Variants in ERCC2 observed in about 807,000 individuals in gnomAD.
ERCC2 encodes the protein general transcription and DNA repair factor IIH helicase subunit XPD.
Under a neutral mutation model 99.4 loss-of-function variants are expected in ERCC2, and 90 were observed. The ratio of observed to expected loss-of-function variants is 0.91; its 90% confidence interval spans 0.76 to 1.08. ERCC2 has a LOEUF of 1.08. Among genes scored for constraint, ERCC2 ranks in the 50% least tolerant of loss-of-function variants. ERCC2 has a pLI of 0.00. For synonymous variants in ERCC2, 497 were observed against 432.4 expected (o/e 1.15, Z -1.85); for missense variants, 993 against 1,038.1 (o/e 0.96, Z 0.60).
chr19:45,352,066 G>C, intron 22 of ERCC2, 143 bp downstream of exon 22: 1 of 989,264 alleles, frequency 1.0e-6, no homozygotes. Context: ...CCAGAGCCTG[G>C]CACGTAGATG....
At chr19:45,361,807 A>G (rs1188573289) in intron 11 of ERCC2, 165 bp from the exon 12 acceptor site, 1 of 671,542 alleles carries the variant, frequency 1.5e-6, no homozygotes, top group East Asian at 2.8e-5. Flanking sequence ...CCCACGCTGT[A>G]CACCTGCATG....
chr19:45,357,522 G>A lies in ERCC2; in HGVS notation c.1329C>T (p.Ala443=). The A allele has an allele frequency of 1.2e-6, 2 of 1,614,186 alleles. No individual in the cohort carries two copies. Among genetic ancestry groups the A allele is most frequent in the Admixed American group, 1.7e-5 (1 of 60,012 alleles). The change falls in exon 14 of 23, where the codon GCC becomes GCT. Residue 443 remains alanine (A), a synonymous_variant. Transcript: ENST00000391945. ...GGAAACGCTCAAATACGGGTTTGATGGCCAGCGAGGCGTCCATGCAGCTGG... is the reference window on the plus strand; with the variant it reads ...GGAAACGCTCAAATACGGGTTTGATAGCCAGCGAGGCGTCCATGCAGCTGG... The part of the protein sequence containing the change: ...LHFSCMDASL[A]IKPVFERFQS...
At position 45,350,907 on chromosome 19, in the gene ERCC2, G is replaced by C. The variant is rs909770584; in HGVS notation, c.*722C>G. The C allele has an allele frequency of 3.8e-6, 6 of 1,593,274 alleles. No homozygotes were observed. The highest frequency in any genetic ancestry group is 3.3e-5 in the Admixed American group (2 of 59,936). On this transcript the variant is annotated 3_prime_UTR_variant, in exon 23 of 23. Transcript: ENST00000391945. ...GCTGGAAAGGTCCCTCGTGGAGGGG[G>C]GCCACTCCTGGATTCACTCATTTCC...
Position 45,354,851 on chromosome 19 carries a change from G to A in ERCC2, c.1544C>T (p.Ala515Val). 3 of 1,613,960 alleles carry A rather than the reference G, an allele frequency of 1.9e-6. No homozygotes were observed. Among genetic ancestry groups the A allele is most frequent in the Non-Finnish European group, 2.5e-6 (3 of 1,179,880 alleles). Reference protein sequence around the residue: ...SSKFETREDIAVIRNYGNLLL... With the variant: ...SSKFETREDIVVIRNYGNLLL... ...GAGGTTCCCATAGTTCCGGATCACA[G>A]CTGCAAGGGGTCAGAGGTTGGGCCC... is the stretch of plus-strand genomic sequence containing the variant. Residue 515 changes from alanine to valine, a missense_variant and splice_region_variant, in exon 17 of 23, where the codon GCT (alanine) becomes GTT (valine). Physicochemically the swap from Ala to Val is moderately conservative, Grantham distance 64 (BLOSUM62 0). Around this residue, in one of 3 missense-constraint regions of ERCC2, gnomAD observed 909 missense variants for 930.8 expected, o/e 0.98. Coordinates refer to ENST00000391945, the MANE Select transcript of ERCC2 (RefSeq NM_000400.4).
At position 45,364,865 on chromosome 19, in the gene ERCC2, C is replaced by A. The variant is rs377532898; in HGVS notation, c.567G>T (p.Trp189Cys). ...AGTATCGAGCAAGGAAGTATGGGCA[C>A]CAGCCCTGGCGCCGCCCCAGGGCCT... ...DLKALGRRQG[W>C]CPYFLARYSI... The change falls in exon 7 of 23, where the codon TGG (tryptophan) becomes TGT (cysteine). Residue 189 changes from tryptophan to cysteine, a missense_variant. This residue lies in a region of ERCC2 where 909 missense variants were observed against 930.8 expected (regional missense o/e 0.98). Transcript: ENST00000391945. The A allele has an allele frequency of 1.9e-6, 3 of 1,613,610 alleles. No individual in the cohort carries two copies. The African/African-American group carries it at 4.0e-5, about 22-fold the overall frequency.
rs1236890326 is a variant in ERCC2 at position 45,351,158 on chromosome 19, A to T, written c.*471T>A. On this transcript the variant is annotated 3_prime_UTR_variant, in exon 23 of 23. Coordinates refer to ENST00000391945, the MANE Select transcript of ERCC2 (RefSeq NM_000400.4). ...GAAGAGACCCAGGACAGGAGCAAAG[A>T]TGGGTTTTACTTGGGGTAGAGGCGA... The T allele has an allele frequency of 2.9e-5, 46 of 1,591,430 alleles. No homozygotes were observed. Among genetic ancestry groups the T allele is most frequent in the Non-Finnish European group, 3.8e-5 (44 of 1,168,074 alleles).
At chr19:45,363,493 T>C (rs1972297864) in intron 11 of ERCC2, among the ~76,000 whole-genome samples, 1 of 152,092 alleles carries the variant, frequency 6.6e-6, no homozygotes, top group African/African-American at 2.4e-5. Context: ...CACTCTCTCT[T>C]GGGTGGGGGA....
chr19:45,351,485 TCTC>T lies in ERCC2; in HGVS notation c.*141_*143del, dbSNP rs1450139499. 8 of 1,588,888 alleles carry T rather than the reference TCTC, an allele frequency of 5.0e-6. No homozygotes were observed. Among genetic ancestry groups the T allele is most frequent in the Admixed American group, 1.7e-5 (1 of 59,354 alleles). Reference sequence around the variant, plus strand: ...CTGGGTACCTGGTGGATAGCTGCCTTCTCCTGCGATTAAAGGCTGTGGACGTGA... The same window carrying T: ...CTGGGTACCTGGTGGATAGCTGCCTTCTGCGATTAAAGGCTGTGGACGTGA... On this transcript the variant is annotated 3_prime_UTR_variant, in exon 23 of 23. Coordinates refer to ENST00000391945, the MANE Select transcript of ERCC2 (RefSeq NM_000400.4).
In ERCC2 at chr19:45,350,806, C is replaced by A; in HGVS notation, c.*823G>T. 1 of 1,349,612 alleles carries A rather than the reference C, an allele frequency of 7.4e-7. No homozygotes were observed. Among genetic ancestry groups the A allele is most frequent in the South Asian group, 1.3e-5 (1 of 78,746 alleles). 83.6% of individuals were successfully genotyped at this position (1,349,612 alleles called of 1,614,324 possible). ...CATCAGCAGAATCCACAGCCCACCC[C>A]ACCCCCACCCCCATCTTGCTCAAGA... On this transcript the variant is annotated 3_prime_UTR_variant, in exon 23 of 23. Coordinates refer to ENST00000391945, the MANE Select transcript of ERCC2 (RefSeq NM_000400.4).
Position 45,351,359 on chromosome 19 carries a change from G to A in ERCC2, c.*270C>T, listed in dbSNP as rs375278097. 42 of 1,610,382 alleles carry A rather than the reference G, an allele frequency of 2.6e-5. No homozygotes were observed. The highest frequency in any genetic ancestry group is 6.6e-5 in the South Asian group (6 of 91,078). ...ACCCAGGACCTGAGCCCCCACTAAC[G>A]TCCAGTGAACTGCGCTGGCCGCAGC... On this transcript the variant is annotated 3_prime_UTR_variant, in exon 23 of 23. Coordinates refer to ENST00000391945, the MANE Select transcript of ERCC2 (RefSeq NM_000400.4).
chr19:45,368,810 G>C, intron 4 of ERCC2, 67 bp from the exon 5 acceptor site: 1 of 1,553,582 alleles, frequency 6.4e-7, no homozygotes, highest in Non-Finnish European at 8.9e-7. Flanking sequence ...GCCCTGCCAG[G>C]TCCCAGTCTC....
chr19:45,351,118 G>A lies in ERCC2; in HGVS notation c.*511C>T, dbSNP rs1319718241. On this transcript the variant is annotated 3_prime_UTR_variant, in exon 23 of 23. Transcript: ENST00000391945. ...CGGGCCAGTGGTGGAGTCAGCAGGT[G>A]GTGGGTTGGTGTCAGAAGAGACCCA... 4 of 1,606,214 alleles carry A rather than the reference G, an allele frequency of 2.5e-6. No homozygotes were observed. The highest frequency in any genetic ancestry group is 1.7e-5 in the Admixed American group (1 of 59,154).
chr19:45,369,985 T>C, intron 2 of ERCC2, 148 bp downstream of exon 2: 1 of 692,716 alleles, frequency 1.4e-6, no homozygotes, highest in Non-Finnish European at 2.4e-6. Flanking sequence ...CTATTCACCA[T>C]TATTGTTTTA....
At chr19:45,368,094 G>A (rs1391263074) in intron 5 of ERCC2, among the ~76,000 whole-genome samples, 3 of 151,678 alleles carry the variant, frequency 2.0e-5, no homozygotes, top group Non-Finnish European at 2.9e-5. Context: ...GGATGGTCTC[G>A]AACTCCTGAC....
chr19:45,368,481 T>G, intron 5 of ERCC2, 149 bp downstream of exon 5: 81 of 703,190 alleles, frequency 1.2e-4, no homozygotes, highest in East Asian at 2.7e-4. Flanking sequence ...CCACGATGAA[T>G]GAGAATTTGA....
Position 45,350,336 on chromosome 19 carries a change from C to G in ERCC2, c.*1293G>C, listed in dbSNP as rs182272593. The stretch of plus-strand genomic sequence containing the variant: ...AAAAGTTCCCAGACACTCCCTTCTC[C>G]GCAGGCCTCAGCCTACCTGAAACAG... On this transcript the variant is annotated 3_prime_UTR_variant, in exon 23 of 23. Coordinates refer to ENST00000391945, the MANE Select transcript of ERCC2 (RefSeq NM_000400.4). 1 of 1,612,796 alleles carries G rather than the reference C, an allele frequency of 6.2e-7. No individual in the cohort carries two copies. The highest frequency in any genetic ancestry group is 2.2e-5 in the East Asian group (1 of 44,868).
chr19:45,354,998 G>C, intron 16 of ERCC2, 147 bp from the exon 17 acceptor site: 3 of 1,014,458 alleles, frequency 3.0e-6, no homozygotes, highest in Non-Finnish European at 4.5e-6. Context: ...GGGCGTGTCT[G>C]AGGACCCGCC....
rs1352992667 is a variant in ERCC2 at position 45,350,660 on chromosome 19, C to A, written c.*969G>T. ...CCCCAGGCCCTTCGCCGCAGCAGCT[C>A]ACTCTCCAAGATCCGTGAGTCTATC... On this transcript the variant is annotated 3_prime_UTR_variant, in exon 23 of 23. Transcript: ENST00000391945. 2.5e-6 allele frequency: 4 copies of A among 1,613,722 alleles called. No individual in the cohort carries two copies. Among genetic ancestry groups the A allele is most frequent in the South Asian group, 1.1e-5 (1 of 91,054 alleles).
chr19:45,364,851 AG>A lies in ERCC2; in HGVS notation c.580del (p.Ala195LeufsTer53), dbSNP rs2123294697. The A allele has an allele frequency of 1.2e-6, 2 of 1,613,118 alleles. No homozygotes were observed. Among genetic ancestry groups the A allele is most frequent in the Non-Finnish European group, 8.5e-7 (1 of 1,179,124 alleles). Reference protein sequence around the residue: ...GRRQGWCPYFLARYSILHANV... With the variant: ...GRRQGWCPYFXARYSILHANV... ...CAGCCTCCTCACTGAGTATCGAGCA[AG>A]GAAGTATGGGCACCAGCCCTGGCGC... is the stretch of plus-strand genomic sequence containing the variant. On this transcript the variant is annotated frameshift_variant, in exon 7 of 23. Transcript: ENST00000391945. LOFTEE classifies it high-confidence loss of function.
Sources: allele counts gnomAD v4.1 joint callset (sites outside exome capture counted in the v4.1 genomes callset), GRCh38; gene constraint gnomAD v4.1.1; regional missense constraint gnomAD v4.1.1; transcripts MANE v1.5; gene names NCBI Gene and HGNC (gene_info 2026-07-23, HGNC 2026-07-21).